The following ZNF414 variants were observed in gnomAD, a reference collection of about 807,000 sequenced individuals.
ZNF414 encodes the protein zinc finger protein 414.
In ZNF414, 32 loss-of-function variants were observed where a neutral mutation model predicts 38.3. The observed-to-expected ratio is 0.83, with a 90% confidence interval of 0.63 to 1.12. The LOEUF is 1.12. ZNF414 is among the 50% of genes most tolerant of loss of function. The probability of loss-of-function intolerance (pLI) is 0.00; values close to 1 mark genes in which losing one functional copy is unlikely to be tolerated. For synonymous variants in ZNF414, 256 were observed against 248.0 expected (o/e 1.03, Z -0.30); for missense variants, 589 against 557.4 (o/e 1.06, Z -0.57).
chr19:8,512,316 G>A (rs1568322848), intron 4 of ZNF414, 71 bp downstream of exon 4: 1 of 1,581,480 alleles, frequency 6.3e-7, no homozygotes, highest in Non-Finnish European at 8.7e-7. Flanking sequence ...GACCAGGAAG[G>A]GAGGAAGGCC....
In ZNF414 at chr19:8,513,186, C is replaced by T. The variant is rs375812984; in HGVS notation, c.159G>A (p.Pro53=). 2.0e-4 allele frequency: 307 copies of T among 1,562,186 alleles called. 1 individual carries two copies. Among genetic ancestry groups the T allele is most frequent in the East Asian group, 4.7e-4 (20 of 42,648 alleles). Residue 53 remains proline, a synonymous_variant, in exon 2 of 8, where the codon CCG becomes CCA. Transcript: ENST00000393927. ...EEPGPEQAAT[P]PVWERGGAGG... is the part of the protein sequence containing the mutation. ...CAGCCCCTCCACGTTCCCACACTGG[C>T]GGTGTGGCTGCCTGCTCAGGGCCTG...
chr19:8,512,010 G>A (rs1472390469), intron 4 of ZNF414, 50 bp from the exon 5 acceptor site: 6 of 1,390,128 alleles, frequency 4.3e-6, no homozygotes, highest in African/African-American at 1.5e-5. Context: ...GGGGCACCAG[G>A]GAGAGTGTCC....
In ZNF414 at chr19:8,512,625, G is replaced by A. The variant is rs1971934334; in HGVS notation, c.403C>T (p.Pro135Ser). The A allele has an allele frequency of 6.3e-7, 1 of 1,592,780 alleles. No individual in the cohort carries two copies. The highest frequency in any genetic ancestry group is 8.6e-7 in the Non-Finnish European group (1 of 1,168,844). ...DLAQHLRTHC[P>S]PTQSLEGKLF... ...CTACCTTCCAGGGACTGTGTGGGCG[G>A]GCAGTGGGTTCGCAGATGCTGTGCC... The change falls in exon 3 of 8, where the codon CCG becomes TCG. Residue 135 changes from proline to serine, a missense_variant. Pro to Ser is a moderately conservative substitution (Grantham distance 74, BLOSUM62 -1). Coordinates refer to ENST00000393927, the MANE Select transcript of ZNF414 (RefSeq NM_001146175.2).
At chr19:8,512,977 C>T in intron 2 of ZNF414, 52 bp downstream of exon 2, 14 of 1,427,962 alleles carry the variant, frequency 9.8e-6, no homozygotes, top group Non-Finnish European at 1.3e-5. Flanking sequence ...CTACGTCTCG[C>T]TTCTATTGTT....
At chr19:8,513,950 GGGCGGGGT>G in intron 1 of ZNF414, 86 bp downstream of exon 1, 1 of 1,304,688 alleles carries the variant, frequency 7.7e-7, no homozygotes, top group South Asian at 1.9e-5. Context: ...CCGGATGTGG[GGGCGGGGT>G]CGGCCGGAGG....
In ZNF414 at chr19:8,511,861, G is replaced by T; in HGVS notation, c.630C>A (p.Pro210=). 1 of 1,404,684 alleles carries T rather than the reference G, an allele frequency of 7.1e-7. No individual in the cohort carries two copies. The highest frequency in any genetic ancestry group is 9.2e-7 in the Non-Finnish European group (1 of 1,087,822). The allele number at this position is 1,404,684 out of a possible 1,614,324, so 87.0% of individuals were successfully genotyped here. A position where few individuals can be genotyped will look rare whatever the true frequency, so the allele number is the denominator to read the frequency against. Residue 210 remains proline (P), a synonymous_variant, in exon 5 of 8, where the codon CCC becomes CCA. Coordinates refer to ENST00000393927, the MANE Select transcript of ZNF414 (RefSeq NM_001146175.2). The part of the protein sequence containing the change: ...EHAQSPAPPP[P]PALDREPPAP... ...CGGGCGGCTCTCGGTCCAGGGCCGG[G>T]GGTGGCGGCGGGGCTGGGCTCTGCG...
At chr19:8,512,090 C>G in intron 4 of ZNF414, 130 bp from the exon 5 acceptor site, 1 of 1,415,246 alleles carries the variant, frequency 7.1e-7, no homozygotes, top group Non-Finnish European at 9.2e-7. Context: ...CGCTCCTGTA[C>G]AACTGTGGCA....
intron 4 of ZNF414, 107 bp from the exon 5 acceptor site, chr19:8,512,067 C>T (rs967397778): frequency 4.3e-6 from 6 of 1,400,686 alleles, no homozygotes; most frequent in Admixed American, 3.2e-5. Flanking sequence ...AGCCTGGGCA[C>T]TAATCACCTC....
chr19:8,511,071 A>C, intron 6 of ZNF414, 47 bp from the exon 7 acceptor site: 2 of 1,283,232 alleles, frequency 1.6e-6, no homozygotes, highest in Non-Finnish European at 2.0e-6. Flanking sequence ...CCCAGCCCAG[A>C]AGACCCGTGC....
Position 8,510,935 on chromosome 19 carries a change from C to T in ZNF414, c.1015G>A (p.Ala339Thr), listed in dbSNP as rs1431275006. ...QCAFSTASRP[A>T]MTLHLEDHRP... ...TGGTCCTCCAGGTGCAGGGTCATGG[C>T]GGGCCGCGAGGCCGTGGAGAAGGCG... The change falls in exon 7 of 8, where the codon GCC becomes ACC. Residue 339 changes from alanine (A) to threonine (T), a missense_variant. By Grantham distance (58) the Ala-to-Thr change is moderately conservative. Transcript: ENST00000393927. 8.1e-7 allele frequency: 1 copy of T among 1,231,880 alleles called. No individual in the cohort carries two copies. The highest frequency in any genetic ancestry group is 1.0e-6 in the Non-Finnish European group (1 of 985,450). 76.3% of individuals were successfully genotyped at this position (1,231,880 alleles called of 1,614,324 possible). A position where few individuals can be genotyped will look rare whatever the true frequency, so the allele number is the denominator to read the frequency against.
At chr19:8,512,330 A>G in intron 4 of ZNF414, 57 bp downstream of exon 4, 1 of 1,594,938 alleles carries the variant, frequency 6.3e-7, no homozygotes, top group Non-Finnish European at 8.6e-7. Context: ...GAAGGCCTGG[A>G]GCCCACACAT....
rs760505125 is a variant in ZNF414 at position 8,511,908 on chromosome 19, G to A, written c.583C>T (p.Leu195=). 7.1e-6 allele frequency: 10 copies of A among 1,414,694 alleles called. No homozygotes were observed. The highest frequency in any genetic ancestry group is 5.3e-5 in the East Asian group (2 of 37,706). The allele number at this position is 1,414,694 out of a possible 1,614,324, so 87.6% of individuals were successfully genotyped here. A position where few individuals can be genotyped will look rare whatever the true frequency, so the allele number is the denominator to read the frequency against. The stretch of plus-strand genomic sequence containing the variant: ...TGCGCATGCTCCGCGCAAACATGCA[G>A]GTGCTTGAAGAGCGAGCGGTGCGTG... ...FRTHRSLFKH[L]HVCAEHAQSP... Residue 195 remains leucine, a synonymous_variant, in exon 5 of 8, where the codon CTG becomes TTG. Coordinates refer to ENST00000393927, the MANE Select transcript of ZNF414 (RefSeq NM_001146175.2).
chr19:8,512,294 C>A, intron 4 of ZNF414, 93 bp downstream of exon 4: 1 of 1,543,446 alleles, frequency 6.5e-7, no homozygotes, highest in African/African-American at 1.4e-5. Context: ...AAGTCCCGCC[C>A]TCCAACACCC....
rs758562459 is a variant in ZNF414 at position 8,511,768 on chromosome 19, G to T, written c.723C>A (p.Pro241=). 150 of 1,434,242 alleles carry T rather than the reference G, an allele frequency of 1.0e-4. No homozygotes were observed. In the Middle Eastern group the frequency reaches 3.3e-3, roughly 32 times the overall value. The allele number at this position is 1,434,242 out of a possible 1,614,324, so 88.8% of individuals were successfully genotyped here. The change falls in exon 5 of 8, where the codon CCC becomes CCA. Residue 241 remains proline, a synonymous_variant. Transcript: ENST00000393927. The stretch of plus-strand genomic sequence containing the variant: ...TGGGGGCAGGGGCGGGGGTCGTGAA[G>T]GGTTCCAGCAGCGGGAACGGCAGGC... ...APGLPFPLLE[P]FTTPAPAPTG... is the part of the protein sequence containing the mutation.
Position 8,511,091 on chromosome 19 carries a change from G to A in ZNF414, c.926-67C>T, listed in dbSNP as rs1020155097. 7.0e-6 allele frequency: 9 copies of A among 1,289,024 alleles called. No individual in the cohort carries two copies. The Admixed American group carries it at 2.3e-4, about 33-fold the overall frequency. The allele number at this position is 1,289,024 out of a possible 1,614,324, so 79.8% of individuals were successfully genotyped here. A position where few individuals can be genotyped will look rare whatever the true frequency, so the allele number is the denominator to read the frequency against. On this transcript the variant is annotated intron_variant, in intron 6 of 7. Transcript: ENST00000393927. ...CCCAGAAGACCCGTGCGCCAAGGAT[G>A]GAGGACGCCGGCGAGGGTGGGTGGG...
At chr19:8,513,673 C>T (rs920072063) in intron 1 of ZNF414, among the ~76,000 whole-genome samples, 4 of 152,164 alleles carry the variant, frequency 2.6e-5, no homozygotes, top group African/African-American at 9.7e-5. Context: ...TGCACACAAG[C>T]GTGGCCTAGA....
At chr19:8,512,144 GGAAA>G in intron 4 of ZNF414, 184 bp from the exon 5 acceptor site, 2 of 1,427,028 alleles carry the variant, frequency 1.4e-6, no homozygotes. Context: ...GGGGAAACCC[GGAAA>G]GAAGTCTCAA....
chr19:8,513,029 C>G lies in ZNF414; in HGVS notation c.316G>C (p.Gly106Arg). ...LRPPRRRPPP[G>R]KQIPCSSPGC... ...CCCAGAAGACCCCATCACAGATCACCTGGAGGTGGGCGTCGTCTGGGAGGC... is the reference window on the plus strand; with the variant it reads ...CCCAGAAGACCCCATCACAGATCACGTGGAGGTGGGCGTCGTCTGGGAGGC... Residue 106 changes from glycine to arginine, a missense_variant and splice_region_variant, in exon 2 of 8, where the codon GGG (glycine) becomes CGG (arginine). By Grantham distance (125) the Gly-to-Arg change is moderately radical (BLOSUM62 -2). Coordinates refer to ENST00000393927, the MANE Select transcript of ZNF414 (RefSeq NM_001146175.2). 1 of 1,458,828 alleles carries G rather than the reference C, an allele frequency of 6.9e-7. No homozygotes were observed. Among genetic ancestry groups the G allele is most frequent in the Non-Finnish European group, 9.0e-7 (1 of 1,107,560 alleles). 90.4% of individuals were successfully genotyped at this position (1,458,828 alleles called of 1,614,324 possible).
chr19:8,513,815 G>T (rs1241721941), intron 1 of ZNF414, among the ~76,000 whole-genome samples: 1 of 152,222 alleles, frequency 6.6e-6, no homozygotes, highest in Non-Finnish European at 1.5e-5. Flanking sequence ...GACAATCTTG[G>T]AGGTGCTGGG....
Sources: allele counts gnomAD v4.1 joint callset (sites outside exome capture counted in the v4.1 genomes callset), GRCh38; gene constraint gnomAD v4.1.1; transcripts MANE v1.5; gene names NCBI Gene and HGNC (gene_info 2026-07-23, HGNC 2026-07-21).